The following NLGN1 variants were observed in gnomAD, a reference collection of about 807,000 sequenced individuals.
NLGN1 encodes the protein neuroligin 1.
NLGN1 carries 12 observed loss-of-function variants against 65.5 expected under a neutral mutation model. That is an observed-to-expected ratio of 0.18 (90% CI 0.12 to 0.30). NLGN1 has a LOEUF of 0.30. Among genes scored for constraint, NLGN1 ranks in the 10% least tolerant of loss-of-function variants. The pLI, the probability that NLGN1 is intolerant of heterozygous loss-of-function variation, is 1.00. For synonymous variants in NLGN1, 350 were observed against 359.5 expected (o/e 0.97, Z 0.30); for missense variants, 750 against 1,007.1 (o/e 0.74, Z 3.46).
At chr3:174,221,875 C>G (rs1428642469) in intron 4 of NLGN1, among the ~76,000 whole-genome samples, 2 of 152,050 alleles carry the variant, frequency 1.3e-5, no homozygotes, top group Non-Finnish European at 2.9e-5. Flanking sequence ...ATGGACTTCT[C>G]TGTGTCTCTG....
At chr3:173,415,890 A>AATATATATATATATATATATATATAT (rs149873787) in intron 1 of NLGN1, among the ~76,000 whole-genome samples, 80 of 134,864 alleles carry the variant, frequency 5.9e-4, no homozygotes, top group African/African-American at 2.4e-3. Flanking sequence ...GCAAGGAGTA[A>AATATATATATATATATATATATATAT]ATATATATAT....
intron 3 of NLGN1, among the ~76,000 whole-genome samples, chr3:173,711,925 G>A (rs998399807): frequency 2.0e-5 from 3 of 152,126 alleles, no homozygotes; most frequent in African/African-American, 4.8e-5. Context: ...AGTGGCAGAG[G>A]CCAAGGCTGA....
At chr3:174,258,842 G>C (rs1746293554) in intron 4 of NLGN1, among the ~76,000 whole-genome samples, 1 of 152,094 alleles carries the variant, frequency 6.6e-6, no homozygotes. Flanking sequence ...AGGAGAGGGA[G>C]AGAAAAGAAA....
At chr3:173,508,567 CG>C (rs1303506008) in intron 2 of NLGN1, among the ~76,000 whole-genome samples, 16 of 152,122 alleles carry the variant, frequency 1.1e-4, no homozygotes, top group African/African-American at 3.9e-4. Context: ...GGTAGAGGTA[CG>C]TGACTCTTCC....
intron 2 of NLGN1, among the ~76,000 whole-genome samples, chr3:173,489,240 C>T (rs2149000664): frequency 6.6e-6 from 1 of 152,130 alleles, no homozygotes; most frequent in South Asian, 2.1e-4. Flanking sequence ...CCCCTTACCC[C>T]CACCCCACAA....
chr3:174,077,719 C>T (rs1293523816), intron 4 of NLGN1, among the ~76,000 whole-genome samples: 1 of 152,044 alleles, frequency 6.6e-6, no homozygotes, highest in Admixed American at 6.6e-5. Flanking sequence ...CCACGCCCAG[C>T]CAATTTTTGT....
At chr3:173,590,500 A>G (rs1182049343) in intron 2 of NLGN1, among the ~76,000 whole-genome samples, 1 of 152,182 alleles carries the variant, frequency 6.6e-6, no homozygotes, top group Non-Finnish European at 1.5e-5. Flanking sequence ...CCACCATAGT[A>G]GGGGATTTTT....
chr3:174,171,291 T>C (rs1219747802), intron 4 of NLGN1, among the ~76,000 whole-genome samples: 2 of 151,160 alleles, frequency 1.3e-5, no homozygotes, highest in African/African-American at 4.9e-5. Context: ...AAGACCGAAT[T>C]TTTATTTTAA....
At chr3:174,119,956 A>G (rs576213350) in intron 4 of NLGN1, among the ~76,000 whole-genome samples, 8 of 152,242 alleles carry the variant, frequency 5.3e-5, no homozygotes, top group Admixed American at 4.6e-4. Flanking sequence ...CCTTTTAAAT[A>G]ATAGCTATAT....
At chr3:174,212,032 G>A (rs546448066) in intron 4 of NLGN1, among the ~76,000 whole-genome samples, 2 of 152,258 alleles carry the variant, frequency 1.3e-5, no homozygotes, top group Non-Finnish European at 2.9e-5. Context: ...GGTGGTGTTC[G>A]CCCGGGAGGC....
chr3:174,095,352 G>A (rs1229022166), intron 4 of NLGN1, among the ~76,000 whole-genome samples: 1 of 151,924 alleles, frequency 6.6e-6, no homozygotes, highest in African/African-American at 2.4e-5. Context: ...ATTAAGAGCA[G>A]CCCTCACATA....
At chr3:173,539,815 C>CATATATATACACATATAA (rs554821573) in intron 2 of NLGN1, among the ~76,000 whole-genome samples, 1 of 131,536 alleles carries the variant, frequency 7.6e-6, no homozygotes, top group Non-Finnish European at 1.5e-5. Context: ...TACATATATA[C>CATATATATACACATATAA]ATATGTTATA....
chr3:173,981,338 G>C (rs1427642431), intron 4 of NLGN1, among the ~76,000 whole-genome samples: 2 of 152,064 alleles, frequency 1.3e-5, no homozygotes, highest in African/African-American at 4.8e-5. Flanking sequence ...TTTTCAAATT[G>C]ATAGTATTTG....
intron 4 of NLGN1, among the ~76,000 whole-genome samples, chr3:174,103,699 A>G (rs1713072543): frequency 6.6e-6 from 1 of 152,134 alleles, no homozygotes; most frequent in South Asian, 2.1e-4. Flanking sequence ...CAAAACATAA[A>G]GATATTATTA....
chr3:173,586,419 A>T (rs1328654436), intron 2 of NLGN1, among the ~76,000 whole-genome samples: 1 of 152,174 alleles, frequency 6.6e-6, no homozygotes, highest in East Asian at 1.9e-4. Context: ...GGAATTCCAG[A>T]TACATGCGAC....
intron 3 of NLGN1, among the ~76,000 whole-genome samples, chr3:173,793,809 G>A (rs555632627): frequency 1.3e-5 from 2 of 152,184 alleles, no homozygotes; most frequent in Non-Finnish European, 2.9e-5. Context: ...ATATTTCTGA[G>A]AATGATTTTG....
At chr3:173,450,413 GT>G (rs1160759415) in intron 2 of NLGN1, among the ~76,000 whole-genome samples, 2 of 152,220 alleles carry the variant, frequency 1.3e-5, no homozygotes, top group African/African-American at 4.8e-5. Flanking sequence ...GGCTTGTAGA[GT>G]TTCTGCTGAG....
chr3:174,123,526 T>C (rs1212661970), intron 4 of NLGN1, among the ~76,000 whole-genome samples: 2 of 152,160 alleles, frequency 1.3e-5, no homozygotes, highest in African/African-American at 4.8e-5. Flanking sequence ...TCTTGCTTCA[T>C]AGAGTCATAA....
intron 3 of NLGN1, among the ~76,000 whole-genome samples, chr3:173,628,137 C>T (rs1195293759): frequency 6.6e-6 from 1 of 152,110 alleles, no homozygotes; most frequent in Non-Finnish European, 1.5e-5. Context: ...CTTTTCGGAG[C>T]CCTGTGGTTA....
Sources: gnomAD v4.1 joint callset for allele counts (sites outside exome capture counted in the v4.1 genomes callset) on GRCh38, gnomAD v4.1.1 for gene constraint, MANE v1.5 for transcripts, NCBI Gene and HGNC (gene_info 2026-07-23, HGNC 2026-07-21) for gene names.